The following TMEM191B variants were observed in gnomAD, a reference collection of about 807,000 sequenced individuals.
TMEM191B encodes the protein transmembrane protein 191B.
In TMEM191B, 8 loss-of-function variants were observed where a neutral mutation model predicts 26.6. The observed-to-expected ratio is 0.30, with a 90% confidence interval of 0.18 to 0.54. The LOEUF is 0.54. Ranked by LOEUF, TMEM191B falls within the 20% of genes least tolerant of loss-of-function variation. The pLI, the probability that TMEM191B is intolerant of heterozygous loss-of-function variation, is 0.94. For missense variants in TMEM191B, 64 were observed against 241.2 expected, an observed-to-expected ratio of 0.27 and a Z score of 4.87; for synonymous variants, 29 against 113.7, an observed-to-expected ratio of 0.26 and a Z score of 4.74.
chr22:18,529,244 T>C (rs1197061016), intron 4 of TMEM191B, among the ~76,000 whole-genome samples, 151 bp downstream of exon 4: 30 of 81,134 alleles, frequency 3.7e-4, no homozygotes, highest in African/African-American at 1.2e-3. Flanking sequence ...GGGGCGGGGC[T>C]CTGAGGGCTA....
At chr22:18,528,960 CCT>C in intron 3 of TMEM191B, 57 bp from the exon 4 acceptor site, 1 of 574,484 alleles carries the variant, frequency 1.7e-6, no homozygotes, top group South Asian at 2.7e-5. Flanking sequence ...CCCTGTCTCC[CCT>C]GACACTCGTT....
intron 4 of TMEM191B, 128 bp downstream of exon 4, chr22:18,529,221 G>A: frequency 4.1e-6 from 4 of 969,726 alleles, no homozygotes; most frequent in Non-Finnish European, 5.9e-6. Flanking sequence ...TGTGGGCGGA[G>A]CACAATCGCA....
At position 18,529,162 on chromosome 22, in the gene TMEM191B, T is replaced by G; in HGVS notation, c.546+69T>G. The G allele has an allele frequency of 3.2e-6, 3 of 935,194 alleles. No individual in the cohort carries two copies. The South Asian group carries it at 4.9e-5, about 15-fold the overall frequency. The allele number at this position is 935,194 out of a possible 1,614,324, so 57.9% of individuals were successfully genotyped here. A position where few individuals can be genotyped will look rare whatever the true frequency, so the allele number is the denominator to read the frequency against. Reference sequence around the variant, plus strand: ...CAGCGTGAGCGGGGCCGTGACCACCTGGGGGTGTGGCTTAAGGCAGGCCCT... The same window carrying G: ...CAGCGTGAGCGGGGCCGTGACCACCGGGGGGTGTGGCTTAAGGCAGGCCCT... On this transcript the variant is annotated intron_variant, in intron 4 of 8. Transcript: ENST00000612978.
chr22:18,529,452 G>A lies in TMEM191B; in HGVS notation c.558G>A (p.Glu186=). The change falls in exon 5 of 9, where the codon GAG becomes GAA. Residue 186 remains glutamate, a synonymous_variant. Coordinates refer to ENST00000612978, the MANE Select transcript of TMEM191B (RefSeq NM_001242313.1). ...GGGTCCTTCTCAAGAATGAACTGGA[G>A]CTGGCGGAGACCAAATGCGCCTTGC... The part of the protein sequence containing the change: ...AQLVTLQNEL[E]LAETKCALQE... 1 of 513,080 alleles carries A rather than the reference G, an allele frequency of 1.9e-6. No individual in the cohort carries two copies. Among genetic ancestry groups the A allele is most frequent in the Non-Finnish European group, 3.2e-6 (1 of 314,172 alleles). 31.8% of individuals were successfully genotyped at this position (513,080 alleles called of 1,614,324 possible). A position where few individuals can be genotyped will look rare whatever the true frequency, so the allele number is the denominator to read the frequency against.
In TMEM191B at chr22:18,528,673, G is replaced by C. The variant is rs560562797; in HGVS notation, c.411G>C (p.Lys137Asn). 2.7e-6 allele frequency: 4 copies of C among 1,492,252 alleles called. No individual in the cohort carries two copies. In the East Asian group the frequency reaches 1.1e-4, roughly 40 times the overall value. 92.4% of individuals were successfully genotyped at this position (1,492,252 alleles called of 1,614,324 possible). A position where few individuals can be genotyped will look rare whatever the true frequency, so the allele number is the denominator to read the frequency against. Reference sequence around the variant, plus strand: ...GACTGGAGGAGGCGGAGCGCCACAAGGAGGACTTGGTGAGGAAGAGTCCTA... The same window carrying C: ...GACTGGAGGAGGCGGAGCGCCACAACGAGGACTTGGTGAGGAAGAGTCCTA... The part of the protein sequence containing the change: ...RRRLEEAERH[K>N]EDLEQHSRQL... Residue 137 changes from lysine to asparagine, a missense_variant, in exon 2 of 9, where the codon AAG becomes AAC. Lys to Asn is a moderately conservative substitution (Grantham distance 94). Coordinates refer to ENST00000612978, the MANE Select transcript of TMEM191B (RefSeq NM_001242313.1).
At chr22:18,529,137 C>T (rs1208421824) in intron 4 of TMEM191B, 44 bp downstream of exon 4, 4 of 891,676 alleles carry the variant, frequency 4.5e-6, no homozygotes, top group Non-Finnish European at 6.6e-6. Flanking sequence ...GGCGGAGCAG[C>T]AGCGTGAGCG....
At chr22:18,529,868 G>C in intron 6 of TMEM191B, 68 bp from the exon 7 acceptor site, 1 of 605,560 alleles carries the variant, frequency 1.7e-6, no homozygotes, top group African/African-American at 3.0e-5. Context: ...TAAGGGAGTT[G>C]GGCCTGCGGG....
rs1185381404 is a variant in TMEM191B at position 18,528,669 on chromosome 22, A to G, written c.407A>G (p.His136Arg). 3 of 1,473,200 alleles carry G rather than the reference A, an allele frequency of 2.0e-6. No individual in the cohort carries two copies. Among genetic ancestry groups the G allele is most frequent in the Non-Finnish European group, 2.7e-6 (3 of 1,124,752 alleles). The allele number at this position is 1,473,200 out of a possible 1,614,324, so 91.3% of individuals were successfully genotyped here. The change falls in exon 2 of 9, where the codon CAC becomes CGC. Residue 136 changes from histidine to arginine, a missense_variant. Physicochemically the swap from His to Arg is conservative, Grantham distance 29. Transcript: ENST00000612978. ...AGAAGACTGGAGGAGGCGGAGCGCCACAAGGAGGACTTGGTGAGGAAGAGT... is the reference window on the plus strand; with the variant it reads ...AGAAGACTGGAGGAGGCGGAGCGCCGCAAGGAGGACTTGGTGAGGAAGAGT... ...VRRRLEEAER[H>R]KEDLEQHSRQ...
intron 4 of TMEM191B, 113 bp downstream of exon 4, chr22:18,529,206 G>A: frequency 9.0e-7 from 1 of 1,117,258 alleles, no homozygotes; most frequent in Middle Eastern, 2.9e-4. Flanking sequence ...GGGCGGGGCG[G>A]GGGATGTGGG....
At position 18,529,147 on chromosome 22, in the gene TMEM191B, G is replaced by C. The variant is rs1306468917; in HGVS notation, c.546+54G>C. ...GTAGGGGCGGAGCAGCAGCGTGAGC[G>C]GGGCCGTGACCACCTGGGGGTGTGG... On this transcript the variant is annotated intron_variant, in intron 4 of 8. Coordinates refer to ENST00000612978, the MANE Select transcript of TMEM191B (RefSeq NM_001242313.1). The C allele has an allele frequency of 3.1e-4, 286 of 924,238 alleles. 2 individuals are homozygous for C. In the African/African-American group the frequency reaches 4.7e-3, roughly 15 times the overall value. 57.3% of individuals were successfully genotyped at this position (924,238 alleles called of 1,614,324 possible). A position where few individuals can be genotyped will look rare whatever the true frequency, so the allele number is the denominator to read the frequency against.
In TMEM191B at chr22:18,530,140, C is replaced by G. The variant is rs1233367624; in HGVS notation, c.796-16C>G. The G allele has an allele frequency of 1.3e-6, 1 of 786,270 alleles. No homozygotes were observed. The highest frequency in any genetic ancestry group is 2.9e-5 in the African/African-American group (1 of 34,250). 48.7% of individuals were successfully genotyped at this position (786,270 alleles called of 1,614,324 possible). On this transcript the variant is annotated splice_polypyrimidine_tract_variant and intron_variant, in intron 7 of 8. Coordinates refer to ENST00000612978, the MANE Select transcript of TMEM191B (RefSeq NM_001242313.1). ...CGGGCGCGGAGGTAGCTGGATGCGG[C>G]CCTCTCTCCCCGCAGGAGACGCGGC...
At position 18,530,023 on chromosome 22, in the gene TMEM191B, G is replaced by C. The variant is rs1177588097; in HGVS notation, c.795+15G>C. The C allele has an allele frequency of 6.8e-7, 1 of 1,471,284 alleles. No homozygotes were observed. Among genetic ancestry groups the C allele is most frequent in the Non-Finnish European group, 8.9e-7 (1 of 1,123,142 alleles). 91.1% of individuals were successfully genotyped at this position (1,471,284 alleles called of 1,614,324 possible). A position where few individuals can be genotyped will look rare whatever the true frequency, so the allele number is the denominator to read the frequency against. On this transcript the variant is annotated intron_variant, in intron 7 of 8. Transcript: ENST00000612978. Reference sequence around the variant, plus strand: ...GGGCGGACCGAGTGAGCGCCTGCGCGGGTCCGGGCGGGGTGGGCTGGAGCG... The same window carrying C: ...GGGCGGACCGAGTGAGCGCCTGCGCCGGTCCGGGCGGGGTGGGCTGGAGCG...
In TMEM191B at chr22:18,528,646, A is replaced by G; in HGVS notation, c.384A>G (p.Arg128=). 1 of 1,484,000 alleles carries G rather than the reference A, an allele frequency of 6.7e-7. No homozygotes were observed. Among genetic ancestry groups the G allele is most frequent in the Non-Finnish European group, 8.9e-7 (1 of 1,127,810 alleles). The allele number at this position is 1,484,000 out of a possible 1,614,324, so 91.9% of individuals were successfully genotyped here. Residue 128 remains arginine, a synonymous_variant, in exon 2 of 9, where the codon AGA becomes AGG. Transcript: ENST00000612978. ...GGGAGCGCGCGGAGCGGGTGCGCAG[A>G]AGACTGGAGGAGGCGGAGCGCCACA... ...AARERAERVR[R]RLEEAERHKE...
rs1387168554 is a variant in TMEM191B at position 18,528,630 on chromosome 22, C to T, written c.368C>T (p.Ala123Val). 1.6e-5 allele frequency: 23 copies of T among 1,472,312 alleles called. No individual in the cohort carries two copies. The highest frequency in any genetic ancestry group is 2.3e-5 in the Admixed American group (1 of 43,412). 91.2% of individuals were successfully genotyped at this position (1,472,312 alleles called of 1,614,324 possible). A position where few individuals can be genotyped will look rare whatever the true frequency, so the allele number is the denominator to read the frequency against. Residue 123 changes from alanine (A) to valine (V), a missense_variant, in exon 2 of 9, where the codon GCG (alanine) becomes GTG (valine). Physicochemically the swap from Ala to Val is moderately conservative, Grantham distance 64. Coordinates refer to ENST00000612978, the MANE Select transcript of TMEM191B (RefSeq NM_001242313.1). ...GEAREAARERAERVRRRLEEA... is the reference protein window; with the variant it reads ...GEAREAARERVERVRRRLEEA... ...GCGCGCGAGGCGGCGCGGGAGCGCG[C>T]GGAGCGGGTGCGCAGAAGACTGGAG...
Sources: gnomAD v4.1 joint callset for allele counts (sites outside exome capture counted in the v4.1 genomes callset) on GRCh38, gnomAD v4.1.1 for gene constraint, MANE v1.5 for transcripts, NCBI Gene and HGNC (gene_info 2026-07-23, HGNC 2026-07-21) for gene names.